IFT52: variants seen among roughly 807,000 people sequenced by gnomAD.
IFT52 encodes intraflagellar transport 52, also known as intraflagellar transport protein 52 homolog.
In IFT52, 44 loss-of-function variants were observed where a neutral mutation model predicts 54.4. The ratio of observed to expected loss-of-function variants is 0.81; its 90% CI spans 0.63 to 1.04. The LOEUF is 1.04. IFT52 is among the 50% of genes least tolerant of loss of function. The probability of loss-of-function intolerance (pLI) is 0.00; values close to 1 mark genes in which losing one functional copy is unlikely to be tolerated. For synonymous variants in IFT52, 181 were observed against 185.3 expected (o/e 0.98, Z 0.19); for missense variants, 452 against 523.6 (o/e 0.86, Z 1.33).
chr20:43,595,424 C>G (rs1347914384), intron 2 of IFT52, among the ~76,000 whole-genome samples: 3 of 151,812 alleles, frequency 2.0e-5, no homozygotes, highest in Non-Finnish European at 4.4e-5. Flanking sequence ...TCGTGCGTGC[C>G]TATGGTCCCA....
chr20:43,593,541 A>G (rs1981694070), intron 1 of IFT52, among the ~76,000 whole-genome samples: 1 of 152,200 alleles, frequency 6.6e-6, no homozygotes, highest in Non-Finnish European at 1.5e-5. Flanking sequence ...TGGTAGATCC[A>G]TAAAATGAAT....
chr20:43,600,427 T>C (rs1042074623), intron 3 of IFT52, among the ~76,000 whole-genome samples: 3 of 151,818 alleles, frequency 2.0e-5, no homozygotes, highest in African/African-American at 4.8e-5. Context: ...GCCTCAGCCT[T>C]CCGAGTAGGT....
chr20:43,619,678 G>A (rs375476577), intron 8 of IFT52, among the ~76,000 whole-genome samples: 2 of 152,030 alleles, frequency 1.3e-5, no homozygotes, highest in Non-Finnish European at 2.9e-5. Flanking sequence ...TAAAGTAAAG[G>A]CATTGCAATT....
At position 43,637,176 on chromosome 20, in the gene IFT52, C is replaced by G. The variant is rs755969425; in HGVS notation, c.1043C>G (p.Pro348Arg). The stretch of plus-strand genomic sequence containing the variant: ...CCTCCCAGTTTCCGGGAGTTACCAC[C>G]TCCTCCTCTGGAGCTATTTGATTTA... Reference protein sequence around the residue: ...VFPPSFRELPPPPLELFDLDE... With the variant: ...VFPPSFRELPRPPLELFDLDE... Residue 348 changes from proline to arginine, a missense_variant, in exon 12 of 14, where the codon CCT (proline) becomes CGT (arginine). Coordinates refer to ENST00000373030, the MANE Select transcript of IFT52 (RefSeq NM_016004.5). 1 of 1,612,324 alleles carries G rather than the reference C, an allele frequency of 6.2e-7. No individual in the cohort carries two copies. The highest frequency in any genetic ancestry group is 8.5e-7 in the Non-Finnish European group (1 of 1,179,028).
At chr20:43,622,783 AATAT>A (rs1984432185) in intron 9 of IFT52, among the ~76,000 whole-genome samples, 2 of 146,722 alleles carry the variant, frequency 1.4e-5, no homozygotes, top group South Asian at 4.2e-4. Context: ...TGTAAATATA[AATAT>A]ATACATATTT....
Position 43,642,504 on chromosome 20 carries a change from T to G in IFT52, c.1146T>G (p.Tyr382Ter). The change falls in exon 13 of 14, where the codon TAT becomes TAG. Residue 382 changes from tyrosine to a stop codon, truncating the protein, a stop_gained. Coordinates refer to ENST00000373030, the MANE Select transcript of IFT52 (RefSeq NM_016004.5). LOFTEE classifies it high-confidence loss of function. Reference sequence around the variant, plus strand: ...GTACTGAAGAAGACCTGGAATTTTATGTCAGGAAGTGTGGTGATATTCTTG... The same window carrying G: ...GTACTGAAGAAGACCTGGAATTTTAGGTCAGGAAGTGTGGTGATATTCTTG... ...NKCTEEDLEF[Y>*]VRKCGDILGV... 6.2e-7 allele frequency: 1 copy of G among 1,614,132 alleles called. No individual in the cohort carries two copies.
chr20:43,606,843 C>T (rs1982928921), intron 6 of IFT52, among the ~76,000 whole-genome samples: 1 of 152,110 alleles, frequency 6.6e-6, no homozygotes, highest in Non-Finnish European at 1.5e-5. Flanking sequence ...CTTGCACCGC[C>T]CTTAATCCAT....
chr20:43,619,323 A>G (rs1984094220), intron 8 of IFT52, among the ~76,000 whole-genome samples: 1 of 152,168 alleles, frequency 6.6e-6, no homozygotes, highest in Non-Finnish European at 1.5e-5. Context: ...CAATAGCAGT[A>G]TCACGTGTAA....
chr20:43,599,030 C>T (rs921293771), intron 3 of IFT52, among the ~76,000 whole-genome samples: 3 of 152,020 alleles, frequency 2.0e-5, no homozygotes, highest in African/African-American at 7.3e-5. Context: ...GACCTTCCCC[C>T]GCTGGGAATG....
intron 12 of IFT52, among the ~76,000 whole-genome samples, chr20:43,639,856 A>G (rs1159684877): frequency 2.0e-5 from 3 of 152,050 alleles, no homozygotes; most frequent in Non-Finnish European, 2.9e-5. Context: ...AAATAGAAAC[A>G]AAATAGAATA....
Position 43,620,935 on chromosome 20 carries a change from G to T in IFT52, c.768+10G>T, listed in dbSNP as rs762776083. ...TGCTGAGGACCCAGAGGTAGACACC[G>T]AATTATTAGAAACTTTTAAATGAAA... On this transcript the variant is annotated intron_variant, in intron 9 of 13. Coordinates refer to ENST00000373030, the MANE Select transcript of IFT52 (RefSeq NM_016004.5). 5 of 1,598,286 alleles carry T rather than the reference G, an allele frequency of 3.1e-6. No individual in the cohort carries two copies. Among genetic ancestry groups the T allele is most frequent in the Non-Finnish European group, 4.3e-6 (5 of 1,168,336 alleles).
At chr20:43,634,802 C>T (rs1985407927) in intron 10 of IFT52, among the ~76,000 whole-genome samples, 1 of 152,138 alleles carries the variant, frequency 6.6e-6, no homozygotes, top group Non-Finnish European at 1.5e-5. Flanking sequence ...TCCCAACCTC[C>T]AACCTTCTAT....
chr20:43,644,106 C>CA lies in IFT52; in HGVS notation c.1266+1492dup, dbSNP rs1223141557. Reference sequence around the variant, plus strand: ...CTGGCGACAGAGCAAGACTCTGTCTCAAAAAAAAAAGAAAAAGAAATCATC... The same window carrying CA: ...CTGGCGACAGAGCAAGACTCTGTCTCAAAAAAAAAAAGAAAAAGAAATCATC... On this transcript the variant is annotated intron_variant, in intron 13 of 13. Coordinates refer to ENST00000373030, the MANE Select transcript of IFT52 (RefSeq NM_016004.5). 5.9e-3 allele frequency among the ~76,000 whole-genome samples: 295 copies of CA among 50,108 alleles called. 104 individuals are homozygous for CA. The highest frequency in any genetic ancestry group is 0.015 in the African/African-American group (268 of 17,786). The allele number at this position is 50,108 out of a possible 152,430, so 32.9% of individuals were successfully genotyped here. A position where few individuals can be genotyped will look rare whatever the true frequency, so the allele number is the denominator to read the frequency against.
At chr20:43,601,990 T>C (rs1167416063) in intron 3 of IFT52, among the ~76,000 whole-genome samples, 2 of 152,050 alleles carry the variant, frequency 1.3e-5, no homozygotes, top group Non-Finnish European at 2.9e-5. Context: ...ACATGATCTC[T>C]CCACTCAAGG....
In IFT52 at chr20:43,635,939, C is replaced by G. The variant is rs557670816; in HGVS notation, c.937C>G (p.Leu313Val). 3.1e-6 allele frequency: 5 copies of G among 1,614,160 alleles called. No homozygotes were observed. The highest frequency in any genetic ancestry group is 4.2e-6 in the Non-Finnish European group (5 of 1,180,012). Residue 313 changes from leucine (L) to valine (V), a missense_variant, in exon 11 of 14, where the codon CTA (leucine) becomes GTA (valine). Physicochemically the swap from Leu to Val is conservative, Grantham distance 32. Transcript: ENST00000373030. ...FHSVIEAHEQ[L>V]NVKHEPLQLI... is the part of the protein sequence containing the mutation. ...TTATGAACACAGGGCTCACGAGCAG[C>G]TAAATGTGAAACATGAACCACTCCA... is the stretch of plus-strand genomic sequence containing the variant.
chr20:43,616,268 A>G (rs1227912115), intron 7 of IFT52, among the ~76,000 whole-genome samples: 1 of 152,112 alleles, frequency 6.6e-6, no homozygotes, highest in Non-Finnish European at 1.5e-5. Flanking sequence ...GCACTTTGGG[A>G]GGTCAAGGCG....
At position 43,641,469 on chromosome 20, in the gene IFT52, C is replaced by G. The variant is rs542882371; in HGVS notation, c.1121-1010C>G. On this transcript the variant is annotated intron_variant, in intron 12 of 13. Coordinates refer to ENST00000373030, the MANE Select transcript of IFT52 (RefSeq NM_016004.5). Reference sequence around the variant, plus strand: ...GTCAGGCTGGTCTCGAACTCCCGGCCTCAGATGATCCACCTGCCTCAGCCT... The same window carrying G: ...GTCAGGCTGGTCTCGAACTCCCGGCGTCAGATGATCCACCTGCCTCAGCCT... Among the ~76,000 whole-genome samples, 263 of 151,690 alleles carry G rather than the reference C, an allele frequency of 1.7e-3. 2 individuals carry two copies. Among genetic ancestry groups the G allele is most frequent in the Non-Finnish European group, 2.8e-3 (188 of 67,954 alleles).
intron 11 of IFT52, among the ~76,000 whole-genome samples, chr20:43,636,375 G>A (rs1985540777): frequency 6.6e-6 from 1 of 152,122 alleles, no homozygotes; most frequent in Admixed American, 6.6e-5. Context: ...CACAGCCCAG[G>A]GGATAGTTAT....
At chr20:43,640,490 AGGGC>A (rs1240452178) in intron 12 of IFT52, among the ~76,000 whole-genome samples, 1 of 152,070 alleles carries the variant, frequency 6.6e-6, no homozygotes, top group Non-Finnish European at 1.5e-5. Context: ...AAAAAAATGC[AGGGC>A]ATAAACTTTG....
Sources: allele counts gnomAD v4.1 joint callset (sites outside exome capture counted in the v4.1 genomes callset), GRCh38; gene constraint gnomAD v4.1.1; transcripts MANE v1.5; gene names NCBI Gene and HGNC (gene_info 2026-07-23, HGNC 2026-07-21).